LATS1: variants seen among roughly 807,000 people sequenced by gnomAD.
The protein encoded by LATS1 is large tumor suppressor kinase 1.
In LATS1, 25 loss-of-function variants were observed where a neutral mutation model predicts 106.6. That is an observed-to-expected ratio of 0.23 (90% confidence interval 0.17 to 0.33). The LOEUF is 0.33. LATS1 is among the 10% of genes least tolerant of loss of function. LATS1 has a pLI of 1.00. For synonymous variants in LATS1, 465 were observed against 455.6 expected (o/e 1.02, Z -0.26); for missense variants, 1,040 against 1,382.6 (o/e 0.75, Z 3.93).
At position 149,680,490 on chromosome 6, in the gene LATS1, T is replaced by G. The variant is rs150908619; in HGVS notation, c.2011-33A>C. ...AATAAACTAGATGTTAAATAAGAAT[T>G]ATCTTCTTCAATATTGAATATTAAG... On this transcript the variant is annotated intron_variant, in intron 4 of 7. Transcript: ENST00000543571. 4.6e-5 allele frequency: 66 copies of G among 1,419,594 alleles called. 1 individual carries two copies. The East Asian group carries it at 1.3e-3, about 27-fold the overall frequency. 87.9% of individuals were successfully genotyped at this position (1,419,594 alleles called of 1,614,324 possible).
In LATS1 at chr6:149,718,045, C is replaced by G. The variant is rs748499094; in HGVS notation, c.-337G>C. ...GGCTCTCCCCTTAACACCAGGCCAC[C>G]GCCGCCGCCGCCGCCATTTTGCCTT... On this transcript the variant is annotated 5_prime_UTR_variant, in exon 1 of 8. Transcript: ENST00000543571. The G allele has an allele frequency of 9.8e-6, 3 of 307,576 alleles. No homozygotes were observed. The highest frequency in any genetic ancestry group is 1.9e-5 in the Non-Finnish European group (3 of 156,966). 19.1% of individuals were successfully genotyped at this position (307,576 alleles called of 1,614,324 possible).
chr6:149,690,245 T>C (rs1448846024), intron 3 of LATS1, among the ~76,000 whole-genome samples: 2 of 150,676 alleles, frequency 1.3e-5, no homozygotes, highest in Non-Finnish European at 3.0e-5. Flanking sequence ...CGGAGTTTTG[T>C]TCTCGTTGAC....
chr6:149,706,676 C>G (rs1783791282), intron 1 of LATS1, among the ~76,000 whole-genome samples: 1 of 152,034 alleles, frequency 6.6e-6, no homozygotes. Context: ...TTTTGAGAGG[C>G]AGAAGGAGGT....
Position 149,717,877 on chromosome 6 carries a change from G to T in LATS1, c.-169C>A. ...GAGGGGAGAGCAGAGCTCCTGGACA[G>T]CGGCCACGGGCCTGAGGGCGGACGC... On this transcript the variant is annotated 5_prime_UTR_variant, in exon 1 of 8. The change creates a new upstream start codon in the 5' untranslated region. Transcript: ENST00000543571. The T allele has an allele frequency of 2.7e-6, 1 of 368,102 alleles. No individual in the cohort carries two copies. The highest frequency in any genetic ancestry group is 1.9e-5 in the South Asian group (1 of 53,868). The allele number at this position is 368,102 out of a possible 1,614,324, so 22.8% of individuals were successfully genotyped here. A position where few individuals can be genotyped will look rare whatever the true frequency, so the allele number is the denominator to read the frequency against.
intron 7 of LATS1, among the ~76,000 whole-genome samples, chr6:149,663,677 CAACT>C (rs1258733920): frequency 6.6e-6 from 1 of 151,034 alleles, no homozygotes; most frequent in Non-Finnish European, 1.5e-5. Context: ...GGAGAGGCTT[CAACT>C]AATAATAGAA....
chr6:149,703,373 A>G (rs1447070769), intron 1 of LATS1, among the ~76,000 whole-genome samples: 3 of 152,176 alleles, frequency 2.0e-5, no homozygotes, highest in Non-Finnish European at 4.4e-5. Context: ...TAGGACTCTG[A>G]TATGGTTTGG....
chr6:149,663,135 T>A (rs1218412309), intron 7 of LATS1, among the ~76,000 whole-genome samples: 1 of 152,046 alleles, frequency 6.6e-6, no homozygotes, highest in Non-Finnish European at 1.5e-5. Context: ...TTAAATGGAT[T>A]TGGGGCAAAC....
chr6:149,667,093 T>C (rs1407034891), intron 7 of LATS1, among the ~76,000 whole-genome samples: 1 of 151,986 alleles, frequency 6.6e-6, no homozygotes, highest in Non-Finnish European at 1.5e-5. Flanking sequence ...ATAGTCTCAA[T>C]AGCAGAGTGA....
intron 4 of LATS1, among the ~76,000 whole-genome samples, chr6:149,681,766 T>G (rs7767622): frequency 6.6e-6 from 1 of 151,948 alleles, no homozygotes; most frequent in Non-Finnish European, 1.5e-5. Context: ...CCTCTTGGAT[T>G]GTGAGTGACA....
chr6:149,667,702 C>A (rs186154842), intron 7 of LATS1, among the ~76,000 whole-genome samples: 23 of 152,214 alleles, frequency 1.5e-4, no homozygotes, highest in African/African-American at 5.3e-4. Flanking sequence ...ATTTAAGATG[C>A]CTGGTGAATA....
At chr6:149,712,877 C>G (rs2115023715) in intron 1 of LATS1, among the ~76,000 whole-genome samples, 1 of 152,124 alleles carries the variant, frequency 6.6e-6, no homozygotes, top group East Asian at 1.9e-4. Context: ...CACCTGCAGT[C>G]CCAGCTACTG....
At chr6:149,691,710 T>C (rs917418451) in intron 3 of LATS1, among the ~76,000 whole-genome samples, 2 of 152,162 alleles carry the variant, frequency 1.3e-5, no homozygotes, top group Non-Finnish European at 2.9e-5. Flanking sequence ...ATTTTGTCTA[T>C]GTAACATCCC....
rs769671823 is a variant in LATS1, at chr6:149,718,043, A to ACCG, written c.-338_-336dup. On this transcript the variant is annotated 5_prime_UTR_variant, in exon 1 of 8. Transcript: ENST00000543571. ...CTGGCTCTCCCCTTAACACCAGGCC[A>ACCG]CCGCCGCCGCCGCCGCCATTTTGCC... 8.0e-4 allele frequency: 262 copies of ACCG among 329,064 alleles called. 4 individuals are homozygous for ACCG. Among genetic ancestry groups the ACCG allele is most frequent in the South Asian group, 4.1e-3 (196 of 47,998 alleles). The allele number at this position is 329,064 out of a possible 1,614,324, so 20.4% of individuals were successfully genotyped here.
chr6:149,702,328 G>C (rs1783510265), intron 1 of LATS1, 62 bp from the exon 2 acceptor site: 1 of 476,696 alleles, frequency 2.1e-6, no homozygotes, highest in Non-Finnish European at 3.7e-6. Flanking sequence ...CCATGTATTA[G>C]AGGAAAAGTC....
Position 149,684,362 on chromosome 6 carries a change from T to C in LATS1, c.727A>G (p.Arg243Gly). 1 of 1,614,040 alleles carries C rather than the reference T, an allele frequency of 6.2e-7. No homozygotes were observed. The highest frequency in any genetic ancestry group is 8.5e-7 in the Non-Finnish European group (1 of 1,179,984). Residue 243 changes from arginine (R) to glycine (G), a missense_variant, in exon 4 of 8, where the codon AGG (arginine) becomes GGG (glycine). Coordinates refer to ENST00000543571, the MANE Select transcript of LATS1 (RefSeq NM_004690.4). The stretch of plus-strand genomic sequence containing the variant: ...GGAGGTGGTGGAGGAGTAACACTCC[T>C]TACTTGAGGTGGTGGTGGGGGGTTC... Reference protein sequence around the residue: ...RVNPPPPPQVRSVTPPPPPRG... With the variant: ...RVNPPPPPQVGSVTPPPPPRG...
chr6:149,706,183 CAAAAAAAAAAAAAAAAAA>C (rs60729757), intron 1 of LATS1, among the ~76,000 whole-genome samples: 32 of 25,296 alleles, frequency 1.3e-3, no homozygotes, highest in South Asian at 8.5e-3. Flanking sequence ...AACCCGGTCG[CAAAAAAAAAAAAAAAAAA>C]AAAAAAAAAA....
intron 1 of LATS1, among the ~76,000 whole-genome samples, chr6:149,712,999 AAAAT>A (rs892064115): frequency 3.9e-5 from 6 of 152,216 alleles, no homozygotes; most frequent in East Asian, 1.9e-4. Flanking sequence ...TGTCCCAGAA[AAAAT>A]AAATAAATAA....
chr6:149,663,916 T>A (rs1781010115), intron 7 of LATS1, among the ~76,000 whole-genome samples: 1 of 151,876 alleles, frequency 6.6e-6, no homozygotes, highest in Non-Finnish European at 1.5e-5. Flanking sequence ...CAAGCGATTC[T>A]CCTGCCTCAG....
At position 149,660,629 on chromosome 6, in the gene LATS1, G is replaced by T. The variant is rs1197282408; in HGVS notation, c.*1100C>A. On this transcript the variant is annotated 3_prime_UTR_variant, in exon 8 of 8. Coordinates refer to ENST00000543571, the MANE Select transcript of LATS1 (RefSeq NM_004690.4). ...CCTAAGCGTTATACATAACAGGCATGTTGAACGCATTATTGAACCTTAAAT... is the reference window on the plus strand; with the variant it reads ...CCTAAGCGTTATACATAACAGGCATTTTGAACGCATTATTGAACCTTAAAT... 4.3e-6 allele frequency: 1 copy of T among 231,872 alleles called. No homozygotes were observed. Among genetic ancestry groups the T allele is most frequent in the East Asian group, 6.1e-5 (1 of 16,314 alleles). The allele number at this position is 231,872 out of a possible 1,614,324, so 14.4% of individuals were successfully genotyped here.
Sources: allele counts gnomAD v4.1 joint callset (sites outside exome capture counted in the v4.1 genomes callset), GRCh38; gene constraint gnomAD v4.1.1; transcripts MANE v1.5; gene names NCBI Gene and HGNC (gene_info 2026-07-23, HGNC 2026-07-21).